CNTN4: variants seen among roughly 807,000 people sequenced by gnomAD.
CNTN4 encodes contactin 4, also known as contactin-4.
A neutral mutation model predicts 122.5 loss-of-function variants in CNTN4; 77 were observed. That is an observed-to-expected ratio of 0.63 (90% CI 0.52 to 0.76). CNTN4 has a LOEUF of 0.76. Ranked by LOEUF, CNTN4 falls within the 30% of genes least tolerant of loss-of-function variation. CNTN4 has a pLI of 0.00. For synonymous variants in CNTN4, 512 were observed against 447.0 expected (o/e 1.15, Z -1.83); for missense variants, 1,256 against 1,259.1 (o/e 1.00, Z 0.04).
chr3:2,196,345 G>A (rs2037830665), intron 2 of CNTN4, among the ~76,000 whole-genome samples: 1 of 152,084 alleles, frequency 6.6e-6, no homozygotes, highest in Non-Finnish European at 1.5e-5. Flanking sequence ...TGTGAATCCT[G>A]GCTTCTATCA....
At chr3:2,440,128 C>A (rs1307022139) in intron 3 of CNTN4, among the ~76,000 whole-genome samples, 1 of 152,106 alleles carries the variant, frequency 6.6e-6, no homozygotes, top group Non-Finnish European at 1.5e-5. Context: ...TGTCCACTGT[C>A]CAGATCACTT....
chr3:2,427,200 T>G (rs1461679896), intron 3 of CNTN4, among the ~76,000 whole-genome samples: 10 of 152,220 alleles, frequency 6.6e-5, no homozygotes, highest in Non-Finnish European at 1.0e-4. Flanking sequence ...CTTTCTCTTG[T>G]GGGCATTTAG....
intron 5 of CNTN4, among the ~76,000 whole-genome samples, chr3:2,741,546 T>A (rs1576628553): frequency 6.6e-6 from 1 of 152,228 alleles, no homozygotes; most frequent in African/African-American, 2.4e-5. Flanking sequence ...AACCAAGCAC[T>A]TGTCTTGGGC....
At chr3:2,451,353 C>A (rs1182848192) in intron 3 of CNTN4, among the ~76,000 whole-genome samples, 1 of 151,286 alleles carries the variant, frequency 6.6e-6, no homozygotes, top group Non-Finnish European at 1.5e-5. Flanking sequence ...TCTGGGGCAT[C>A]ACCAGCAAGC....
At chr3:2,257,006 G>C (rs779644870) in intron 2 of CNTN4, among the ~76,000 whole-genome samples, 12 of 152,084 alleles carry the variant, frequency 7.9e-5, no homozygotes, top group African/African-American at 1.2e-4. Context: ...AAAGAACAAG[G>C]CTGGAGGCAT....
Position 2,493,082 on chromosome 3 carries a change from G to A in CNTN4, c.-88-78334G>A, listed in dbSNP as rs190299736. On this transcript the variant is annotated intron_variant, in intron 3 of 24. Coordinates refer to ENST00000418658, the MANE Select transcript of CNTN4 (RefSeq NM_175607.3). ...GTTAGTATCTGAAAGTTCTTAAATT[G>A]TAGGCGTAAATGTTTCATTTTAATT... Among the ~76,000 whole-genome samples, 359 of 152,252 alleles carry A rather than the reference G, an allele frequency of 2.4e-3. 1 individual carries two copies. The highest frequency in any genetic ancestry group is 3.7e-3 in the Non-Finnish European group (251 of 68,016).
At chr3:2,439,628 G>A (rs1397164408) in intron 3 of CNTN4, among the ~76,000 whole-genome samples, 1 of 152,114 alleles carries the variant, frequency 6.6e-6, no homozygotes, top group East Asian at 1.9e-4. Context: ...CTCTGTATGT[G>A]TGTGTGTGCG....
At chr3:2,727,412 T>C (rs2088307331) in intron 4 of CNTN4, among the ~76,000 whole-genome samples, 1 of 152,244 alleles carries the variant, frequency 6.6e-6, no homozygotes, top group African/African-American at 2.4e-5. Flanking sequence ...TATTTGCATT[T>C]GTTGGAAATG....
intron 3 of CNTN4, among the ~76,000 whole-genome samples, chr3:2,503,385 C>T (rs918981422): frequency 3.9e-5 from 6 of 152,016 alleles, no homozygotes; most frequent in South Asian, 2.1e-4. Context: ...TGTCTATGTT[C>T]GAAAATTTTA....
intron 6 of CNTN4, among the ~76,000 whole-genome samples, chr3:2,798,327 A>C (rs62234183): frequency 0.35 from 48,728 of 140,804 alleles, 8,487 homozygotes; most frequent in Non-Finnish European, 0.42. Flanking sequence ...TTATGTTTAT[A>C]TAGTCTGTAT....
chr3:2,144,285 C>A (rs559069152), intron 2 of CNTN4: 1 of 152,278 alleles, frequency 6.6e-6, no homozygotes, highest in Admixed American at 6.5e-5. Context: ...TTCTAGCTTC[C>A]AGCCTTGAAA....
intron 23 of CNTN4, among the ~76,000 whole-genome samples, chr3:3,052,480 C>G (rs1559840970): frequency 6.6e-6 from 1 of 152,150 alleles, no homozygotes; most frequent in South Asian, 2.1e-4. Flanking sequence ...TTCTAACATG[C>G]AGCCAGGACC....
chr3:2,205,396 C>T (rs1412287950), intron 2 of CNTN4, among the ~76,000 whole-genome samples: 1 of 150,180 alleles, frequency 6.7e-6, no homozygotes. Context: ...AATGTAATTA[C>T]AAAATTAAAC....
chr3:2,820,955 CTCTT>C (rs1294685373), intron 7 of CNTN4, among the ~76,000 whole-genome samples: 2 of 94,730 alleles, frequency 2.1e-5, no homozygotes, highest in African/African-American at 8.5e-5. Flanking sequence ...GCAACATTTT[CTCTT>C]TCTTTTTTTT....
intron 3 of CNTN4, among the ~76,000 whole-genome samples, chr3:2,389,116 G>A (rs1575528374): frequency 2.0e-5 from 3 of 150,700 alleles, no homozygotes; most frequent in Non-Finnish European, 3.0e-5. Context: ...AGCTGAGATC[G>A]CACCACTGCA....
chr3:2,609,185 T>C (rs1306296636), intron 4 of CNTN4, among the ~76,000 whole-genome samples: 1 of 152,214 alleles, frequency 6.6e-6, no homozygotes, highest in African/African-American at 2.4e-5. Flanking sequence ...GTAATCTGCA[T>C]TGTGGAGATA....
intron 3 of CNTN4, among the ~76,000 whole-genome samples, chr3:2,475,315 C>T (rs118058157): frequency 2.0e-5 from 3 of 152,120 alleles, no homozygotes; most frequent in African/African-American, 7.2e-5. Context: ...AAGCACTAAC[C>T]TCTTTTACAC....
At chr3:2,307,026 G>A (rs1489635964) in intron 2 of CNTN4, among the ~76,000 whole-genome samples, 2 of 152,074 alleles carry the variant, frequency 1.3e-5, no homozygotes, top group African/African-American at 2.4e-5. Flanking sequence ...GGATTCCATA[G>A]GATTTTCTAT....
At chr3:3,049,308 C>G (rs927338869) in intron 23 of CNTN4, among the ~76,000 whole-genome samples, 4 of 152,164 alleles carry the variant, frequency 2.6e-5, no homozygotes. Context: ...GTCTTAAACT[C>G]CTGACCTCAG....
Sources: allele counts gnomAD v4.1 joint callset (sites outside exome capture counted in the v4.1 genomes callset), GRCh38; gene constraint gnomAD v4.1.1; transcripts MANE v1.5; gene names NCBI Gene and HGNC (gene_info 2026-07-23, HGNC 2026-07-21).